The following TSKS variants were observed in gnomAD, a reference collection of about 807,000 sequenced individuals.
The protein encoded by TSKS is testis-specific serine kinase substrate.
A neutral mutation model predicts 68.0 loss-of-function variants in TSKS; 27 were observed. The observed-to-expected ratio is 0.40, with a 90% CI of 0.29 to 0.55. The LOEUF is 0.55. Ranked by LOEUF, TSKS falls within the 20% of genes least tolerant of loss-of-function variation. TSKS has a pLI of 0.53. For missense variants in TSKS, 806 were observed against 776.0 expected (o/e 1.04, Z -0.46); for synonymous variants, 331 against 340.4 (o/e 0.97, Z 0.30).
intron 2 of TSKS, among the ~76,000 whole-genome samples, chr19:49,749,058 G>C (rs749616262): frequency 6.6e-6 from 1 of 151,328 alleles, no homozygotes; most frequent in African/African-American, 2.4e-5. Flanking sequence ...GCGAGTCTCC[G>C]TCTAAAGAAA....
Position 49,744,386 on chromosome 19 carries a change from C to T in TSKS, c.1206G>A (p.Val402=), listed in dbSNP as rs2084279024. The change falls in exon 8 of 11, where the codon GTG becomes GTA. Residue 402 remains valine, a synonymous_variant. Transcript: ENST00000246801. ...GTTCGCTCCTCAGTGAAGCCACAGA[C>T]ACTGCTGACCGCTCCACCCTGAGGC... The part of the protein sequence containing the change: ...ELCTMVERSA[V]SVASLRSELE... 2 of 1,613,846 alleles carry T rather than the reference C, an allele frequency of 1.2e-6. No individual in the cohort carries two copies. The highest frequency in any genetic ancestry group is 2.7e-5 in the African/African-American group (2 of 74,894).
chr19:49,746,189 A>C (rs2084297619), intron 6 of TSKS, among the ~76,000 whole-genome samples: 1 of 151,642 alleles, frequency 6.6e-6, no homozygotes, highest in Non-Finnish European at 1.5e-5. Context: ...CTCAAAAAAA[A>C]CAAAACAAAA....
chr19:49,755,201 C>G (rs902758793), intron 2 of TSKS, among the ~76,000 whole-genome samples: 5 of 152,122 alleles, frequency 3.3e-5, no homozygotes, highest in African/African-American at 1.2e-4. Context: ...CATAGCTCAA[C>G]TTTGATTATC....
In TSKS at chr19:49,751,025, C is replaced by T. The variant is rs567818781; in HGVS notation, c.400-2556G>A. 6.6e-5 allele frequency among the ~76,000 whole-genome samples: 10 copies of T among 152,010 alleles called. No individual in the cohort carries two copies. The East Asian group carries it at 1.5e-3, about 24-fold the overall frequency. On this transcript the variant is annotated intron_variant, in intron 2 of 10. Coordinates refer to ENST00000246801, the MANE Select transcript of TSKS (RefSeq NM_021733.2). The stretch of plus-strand genomic sequence containing the variant: ...AAATGGTGGATTAAATAATTCAGGC[C>T]GGGCACAGTGGCTCACACCTGTAAT...
chr19:49,757,856 GTC>G (rs2123627936), intron 2 of TSKS, among the ~76,000 whole-genome samples: 1 of 148,734 alleles, frequency 6.7e-6, no homozygotes, highest in South Asian at 2.1e-4. Context: ...TTTTTCCTGA[GTC>G]TCTGCCTTTC....
At chr19:49,748,034 T>A (rs769888928) in intron 4 of TSKS, 51 bp downstream of exon 4, 2 of 1,560,672 alleles carry the variant, frequency 1.3e-6, no homozygotes, top group Non-Finnish European at 1.8e-6. Flanking sequence ...CCCACCCTCT[T>A]CTTACTCCCA....
At chr19:49,747,290 G>A (rs2084311250) in intron 5 of TSKS, 99 bp downstream of exon 5, 1 of 1,603,906 alleles carries the variant, frequency 6.2e-7, no homozygotes, top group Non-Finnish European at 8.5e-7. Flanking sequence ...CAGTGTGGTG[G>A]TGGTGTCGGG....
Position 49,762,028 on chromosome 19 carries a change from A to T in TSKS, c.375T>A (p.Asp125Glu), listed in dbSNP as rs1183097771. 5.6e-6 allele frequency: 9 copies of T among 1,613,846 alleles called. No homozygotes were observed. The highest frequency in any genetic ancestry group is 7.6e-6 in the Non-Finnish European group (9 of 1,179,954). Residue 125 changes from aspartate to glutamate, a missense_variant, in exon 2 of 11, where the codon GAT (aspartate) becomes GAA (glutamate). Physicochemically the swap from Asp to Glu is conservative, Grantham distance 45. Transcript: ENST00000246801. ...CCAGGATTTCCGTGATGTCTGCGTC[A>T]TCCGGATCCCAGGGTAGGGTAGGGG... The part of the protein sequence containing the change: ...PASPTLPWDP[D>E]DADITEILSG...
intron 2 of TSKS, among the ~76,000 whole-genome samples, chr19:49,760,582 G>A (rs867534808): frequency 3.3e-5 from 5 of 149,696 alleles, no homozygotes; most frequent in Non-Finnish European, 4.4e-5. Context: ...TGATCCACCC[G>A]CCTCGGCCTC....
rs201510262 is a variant in TSKS at position 49,746,776 on chromosome 19, T to A, written c.686A>T (p.Gln229Leu). The A allele has an allele frequency of 6.2e-7, 1 of 1,600,190 alleles. No homozygotes were observed. Among genetic ancestry groups the A allele is most frequent in the African/African-American group, 1.3e-5 (1 of 74,930 alleles). ...LLEEKLRYLQ[Q>L]QLQDETPRRQ... ...TCGCGGCGTCTCATCCTGCAGCTGC[T>A]GCTGGAGGTAGCGCAGCTTCTCCTG... Residue 229 changes from glutamine to leucine, a missense_variant, in exon 6 of 11, where the codon CAG becomes CTG. Transcript: ENST00000246801.
chr19:49,740,454 G>C (rs922391205), intron 9 of TSKS: 3 of 448,462 alleles, frequency 6.7e-6, no homozygotes, highest in Non-Finnish European at 1.2e-5. Context: ...AGTGCCTATC[G>C]TCTGTCTCCT....
intron 7 of TSKS, 127 bp downstream of exon 7, chr19:49,745,075 T>G (rs1217000312): frequency 5.5e-6 from 5 of 907,012 alleles, no homozygotes; most frequent in Non-Finnish European, 7.9e-6. Flanking sequence ...TGTTTCCCGA[T>G]GTCGGTATAT....
chr19:49,757,754 T>C (rs1184449254), intron 2 of TSKS, among the ~76,000 whole-genome samples: 1 of 151,804 alleles, frequency 6.6e-6, no homozygotes, highest in Admixed American at 6.6e-5. Context: ...CTGTTCCTTC[T>C]CTCTCTGGGT....
At chr19:49,760,270 A>C (rs931943356) in intron 2 of TSKS, among the ~76,000 whole-genome samples, 2 of 152,108 alleles carry the variant, frequency 1.3e-5, no homozygotes, top group African/African-American at 4.8e-5. Context: ...CTTGAGTTTA[A>C]GACCAGATTG....
chr19:49,747,966 C>T, intron 4 of TSKS, 119 bp downstream of exon 4: 1 of 972,386 alleles, frequency 1.0e-6, no homozygotes, highest in Non-Finnish European at 1.6e-6. Context: ...GCCTCGGCCT[C>T]CCAAAGTGCT....
At chr19:49,744,187 T>C (rs1334159264) in intron 8 of TSKS, 44 bp downstream of exon 8, 1 of 1,587,578 alleles carries the variant, frequency 6.3e-7, no homozygotes, top group African/African-American at 1.3e-5. Context: ...TCTCCTTTAA[T>C]GTCCTATCCA....
chr19:49,746,565 G>C lies in TSKS; in HGVS notation c.897C>G (p.Val299=). The change falls in exon 6 of 11, where the codon GTC becomes GTG. Residue 299 remains valine, a synonymous_variant. Coordinates refer to ENST00000246801, the MANE Select transcript of TSKS (RefSeq NM_021733.2). ...PDKPSRPHGL[V]PAGWGMGPRA... ...GAGGCCCCATTCCCCAGCCTGCGGGGACCAGGCCGTGTGGCCGCGAGGGTT... is the reference window on the plus strand; with the variant it reads ...GAGGCCCCATTCCCCAGCCTGCGGGCACCAGGCCGTGTGGCCGCGAGGGTT... 6.2e-7 allele frequency: 1 copy of C among 1,613,176 alleles called. No homozygotes were observed. The highest frequency in any genetic ancestry group is 8.5e-7 in the Non-Finnish European group (1 of 1,179,728).
At chr19:49,741,798 C>T (rs532121324) in intron 9 of TSKS, 87 bp downstream of exon 9, 6 of 1,581,694 alleles carry the variant, frequency 3.8e-6, no homozygotes, top group Non-Finnish European at 3.5e-6. Flanking sequence ...CTGCCACACA[C>T]CAGCAGTACC....
rs2084317704 is a variant in TSKS, at chr19:49,748,073, C to T, written c.579+12G>A. The T allele has an allele frequency of 6.2e-7, 1 of 1,613,432 alleles. No individual in the cohort carries two copies. The highest frequency in any genetic ancestry group is 1.3e-5 in the African/African-American group (1 of 74,894). On this transcript the variant is annotated intron_variant, in intron 4 of 10. Coordinates refer to ENST00000246801, the MANE Select transcript of TSKS (RefSeq NM_021733.2). ...CCCTCTCCCCATCCATTCCTGCGTC[C>T]CACTGGCTCACCTTGAGTTGAATGC...
Sources: allele counts gnomAD v4.1 joint callset (sites outside exome capture counted in the v4.1 genomes callset), GRCh38; gene constraint gnomAD v4.1.1; transcripts MANE v1.5; gene names NCBI Gene and HGNC (gene_info 2026-07-23, HGNC 2026-07-21).